The following AAK1 variants were observed in gnomAD, a reference collection of about 807,000 sequenced individuals.
AAK1 encodes AP2 associated kinase 1, also known as AP2-associated protein kinase 1.
Under a neutral mutation model 116.0 loss-of-function variants are expected in AAK1, and 37 were observed. The ratio of observed to expected loss-of-function variants is 0.32; its 90% CI spans 0.25 to 0.42. The LOEUF (loss-of-function observed/expected upper bound fraction) is 0.42. Among genes scored for constraint, AAK1 ranks in the 10% least tolerant of loss-of-function variants. The pLI is 1.00. For synonymous variants in AAK1, 458 were observed against 439.9 expected (o/e 1.04, Z -0.51); for missense variants, 919 against 1,170.6 (o/e 0.79, Z 3.14).
intron 2 of AAK1, among the ~76,000 whole-genome samples, chr2:69,605,074 C>G (rs997237181): frequency 6.6e-6 from 1 of 152,158 alleles, no homozygotes; most frequent in Non-Finnish European, 1.5e-5. Context: ...TTTTACAGAG[C>G]CCCAGCATGT....
chr2:69,561,988 A>G (rs1253732700), intron 2 of AAK1, among the ~76,000 whole-genome samples: 2 of 152,194 alleles, frequency 1.3e-5, no homozygotes, highest in Non-Finnish European at 2.9e-5. Flanking sequence ...CACCTGTTGA[A>G]GGACATGTGA....
chr2:69,566,541 T>C (rs1572963623), intron 2 of AAK1, among the ~76,000 whole-genome samples: 1 of 151,662 alleles, frequency 6.6e-6, no homozygotes, highest in African/African-American at 2.4e-5. Context: ...GTTGTGGAGG[T>C]GGTACAGAAA....
chr2:69,593,603 A>T (rs182108927), intron 2 of AAK1, among the ~76,000 whole-genome samples: 4 of 152,274 alleles, frequency 2.6e-5, no homozygotes, highest in Admixed American at 2.6e-4. Context: ...AAAGTAATTA[A>T]ATCTATGGGT....
At chr2:69,481,266 C>T in intron 18 of AAK1, 1 of 234,018 alleles carries the variant, frequency 4.3e-6, no homozygotes, top group East Asian at 1.1e-4. Flanking sequence ...CTAGGCTTCA[C>T]TGAGCATGCA....
intron 2 of AAK1, among the ~76,000 whole-genome samples, chr2:69,628,687 A>T (rs1675024378): frequency 6.6e-6 from 1 of 152,216 alleles, no homozygotes; most frequent in South Asian, 2.1e-4. Flanking sequence ...ACTGATTCTA[A>T]CACTATGATT....
intron 2 of AAK1, among the ~76,000 whole-genome samples, chr2:69,612,335 G>T (rs969665361): frequency 4.6e-5 from 7 of 152,232 alleles, no homozygotes; most frequent in African/African-American, 1.7e-4. Context: ...AGAGTCAGCA[G>T]TCCTTCTACC....
rs1414346506 is a variant in AAK1 at position 69,509,479 on chromosome 2, GAA to G, written c.1777-21_1777-20del. ...CTTGAATCTGCTAGGAAGAGAGACG[GAA>G]AGTGTTTCATTAAATTAAAAAAAAA... is the stretch of plus-strand genomic sequence containing the variant. On this transcript the variant is annotated intron_variant, in intron 13 of 21. Transcript: ENST00000409085. 1.9e-6 allele frequency: 3 copies of G among 1,582,960 alleles called. No individual in the cohort carries two copies. In the Admixed American group the frequency reaches 5.6e-5, roughly 29 times the overall value.
At chr2:69,587,461 G>GTATATA (rs141085291) in intron 2 of AAK1, among the ~76,000 whole-genome samples, 18 of 137,742 alleles carry the variant, frequency 1.3e-4, no homozygotes, top group African/African-American at 5.5e-4. Context: ...ATATGTGTGT[G>GTATATA]TATATATATA....
At chr2:69,476,733 T>C (rs1674872424) in intron 21 of AAK1, 147 bp downstream of exon 21, 1 of 593,150 alleles carries the variant, frequency 1.7e-6, no homozygotes. Flanking sequence ...TATCTATCTC[T>C]ATTGGTCCAG....
intron 16 of AAK1, among the ~76,000 whole-genome samples, chr2:69,497,060 A>G (rs771613764): frequency 1.4e-4 from 22 of 152,124 alleles, no homozygotes; most frequent in Non-Finnish European, 2.8e-4. Context: ...TTTCCCCATA[A>G]AAGAAAATGA....
intron 2 of AAK1, among the ~76,000 whole-genome samples, chr2:69,629,584 G>A (rs934898112): frequency 2.0e-5 from 3 of 152,174 alleles, no homozygotes; most frequent in African/African-American, 7.2e-5. Flanking sequence ...TAATAAGCGA[G>A]GTGAAGTCCT....
chr2:69,496,964 C>A (rs1675769617), intron 16 of AAK1, among the ~76,000 whole-genome samples: 1 of 152,052 alleles, frequency 6.6e-6, no homozygotes, highest in African/African-American at 2.4e-5. Flanking sequence ...CTATATTTGG[C>A]AAAATATAGA....
At chr2:69,548,467 TTTC>T (rs142211697) in intron 3 of AAK1, among the ~76,000 whole-genome samples, 3,116 of 152,124 alleles carry the variant, frequency 0.02, 111 homozygotes, top group African/African-American at 0.071. Context: ...CTTCTTTTTC[TTTC>T]TTTTTTCCTT....
At chr2:69,607,544 C>G (rs987145448) in intron 2 of AAK1, among the ~76,000 whole-genome samples, 5 of 152,100 alleles carry the variant, frequency 3.3e-5, no homozygotes, top group African/African-American at 9.7e-5. Flanking sequence ...TTATCAAACA[C>G]GGGTAACGAC....
At chr2:69,478,279 G>A (rs1443459188) in intron 20 of AAK1, among the ~76,000 whole-genome samples, 1 of 152,202 alleles carries the variant, frequency 6.6e-6, no homozygotes, top group African/African-American at 2.4e-5. Flanking sequence ...ATTATAGGCA[G>A]GCAGTAGATA....
chr2:69,587,341 A>G (rs957165304), intron 2 of AAK1, among the ~76,000 whole-genome samples: 3 of 147,616 alleles, frequency 2.0e-5, no homozygotes, highest in Non-Finnish European at 4.5e-5. Context: ...ATATGCGTGC[A>G]CACACACATA....
At chr2:69,511,360 CCA>C (rs935733582) in intron 13 of AAK1, among the ~76,000 whole-genome samples, 5 of 152,304 alleles carry the variant, frequency 3.3e-5, no homozygotes, top group African/African-American at 9.6e-5. Context: ...AGTATTCCAT[CCA>C]CTTAACCAAC....
In AAK1 at chr2:69,494,531, T is replaced by G. The variant is rs1381387396; in HGVS notation, c.2365+1454A>C. On this transcript the variant is annotated intron_variant, in intron 17 of 21. Transcript: ENST00000409085. Reference sequence around the variant, plus strand: ...ACAGCAAAGCAAGAACCTGAAGGGGTGTCAAAAGGAGAATGCCTCCATCAC... The same window carrying G: ...ACAGCAAAGCAAGAACCTGAAGGGGGGTCAAAAGGAGAATGCCTCCATCAC... Among the ~76,000 whole-genome samples the G allele has an allele frequency of 3.3e-5, 5 of 151,946 alleles. No homozygotes were observed. In the South Asian group the frequency reaches 6.2e-4, roughly 19 times the overall value.
intron 17 of AAK1, among the ~76,000 whole-genome samples, chr2:69,494,285 G>A (rs1675654064): frequency 6.6e-6 from 1 of 152,140 alleles, no homozygotes; most frequent in Non-Finnish European, 1.5e-5. Flanking sequence ...AAGAAGGCAG[G>A]CAGGATGGCA....
Sources: gnomAD v4.1 joint callset for allele counts (sites outside exome capture counted in the v4.1 genomes callset) on GRCh38, gnomAD v4.1.1 for gene constraint, MANE v1.5 for transcripts, NCBI Gene and HGNC (gene_info 2026-07-23, HGNC 2026-07-21) for gene names.